VEPH1: variants seen among roughly 807,000 people sequenced by gnomAD.
VEPH1 encodes ventricular zone-expressed PH domain-containing protein homolog 1.
VEPH1 carries 80 observed loss-of-function variants against 85.2 expected under a neutral mutation model. The observed-to-expected ratio is 0.94, with a 90% CI of 0.78 to 1.13. The LOEUF is 1.13. Ranked by LOEUF, VEPH1 falls within the 50% of genes most tolerant of loss-of-function variation. VEPH1 has a pLI of 0.00. For synonymous variants in VEPH1, 297 were observed against 348.0 expected (o/e 0.85, Z 1.63); for missense variants, 955 against 980.5 (o/e 0.97, Z 0.35).
At chr3:157,383,582 C>T (rs1360559039) in intron 6 of VEPH1, among the ~76,000 whole-genome samples, 2 of 152,112 alleles carry the variant, frequency 1.3e-5, no homozygotes, top group African/African-American at 4.8e-5. Flanking sequence ...TCAAAGATTC[C>T]ATGTACAGTT....
chr3:157,322,689 A>G (rs1219428731), intron 9 of VEPH1, among the ~76,000 whole-genome samples: 3 of 152,210 alleles, frequency 2.0e-5, no homozygotes, highest in African/African-American at 7.2e-5. Context: ...ACGACAAGCT[A>G]GATGACAACA....
chr3:157,481,486 AC>A lies in VEPH1; in HGVS notation c.139-10958del, dbSNP rs1197105949. Reference sequence around the variant, plus strand: ...CACACAAAAAAAAAAAAAAAAAAAAACAATCCTAAGCAAAAAGAACAAAGTT... The same window carrying A: ...CACACAAAAAAAAAAAAAAAAAAAAAAATCCTAAGCAAAAAGAACAAAGTT... On this transcript the variant is annotated intron_variant, in intron 2 of 13. Transcript: ENST00000362010. 1.4e-3 allele frequency among the ~76,000 whole-genome samples: 113 copies of A among 78,864 alleles called. 1 individual carries two copies. Among genetic ancestry groups the A allele is most frequent in the East Asian group, 0.01 (19 of 1,900 alleles). The allele number at this position is 78,864 out of a possible 152,430, so 51.7% of individuals were successfully genotyped here. A position where few individuals can be genotyped will look rare whatever the true frequency, so the allele number is the denominator to read the frequency against.
intron 9 of VEPH1, among the ~76,000 whole-genome samples, chr3:157,327,926 C>A (rs953103296): frequency 1.2e-4 from 18 of 152,164 alleles, no homozygotes; most frequent in African/African-American, 4.1e-4. Flanking sequence ...ACTCTAAAGC[C>A]AACTTCTCTG....
At chr3:157,445,163 A>G (rs1419054096) in intron 4 of VEPH1, among the ~76,000 whole-genome samples, 1 of 152,212 alleles carries the variant, frequency 6.6e-6, no homozygotes, top group African/African-American at 2.4e-5. Context: ...ATGCAACAAT[A>G]CAGAAGAAGC....
intron 13 of VEPH1, among the ~76,000 whole-genome samples, chr3:157,263,002 T>C (rs576697874): frequency 1.3e-5 from 2 of 152,324 alleles, no homozygotes; most frequent in African/African-American, 4.8e-5. Context: ...CAGGAATAGA[T>C]AGAAAGTCAA....
chr3:157,401,953 A>G (rs1293969100), intron 6 of VEPH1, among the ~76,000 whole-genome samples: 1 of 152,104 alleles, frequency 6.6e-6, no homozygotes, highest in African/African-American at 2.4e-5. Flanking sequence ...ATTTGTTTCC[A>G]CTCATTTGTA....
chr3:157,410,682 A>G lies in VEPH1; in HGVS notation c.906+3199T>C, dbSNP rs146861110. Among the ~76,000 whole-genome samples, 156 of 152,298 alleles carry G rather than the reference A, an allele frequency of 1.0e-3. 1 individual carries two copies. Among genetic ancestry groups the G allele is most frequent in the African/African-American group, 3.6e-3 (148 of 41,562 alleles). On this transcript the variant is annotated intron_variant, in intron 6 of 13. Transcript: ENST00000362010. ...ACTTTCTTACAGTAATATTTCAGGC[A>G]TTACAAATAATCAAGAAAGAGCATT...
intron 7 of VEPH1, 97 bp from the exon 8 acceptor site, chr3:157,364,609 G>C (rs1219131542): frequency 1.4e-5 from 16 of 1,175,090 alleles, no homozygotes; most frequent in Non-Finnish European, 1.7e-5. Flanking sequence ...AGAAGCAAAA[G>C]CTTTGCCTGA....
chr3:157,477,460 G>A (rs1402739650), intron 2 of VEPH1, among the ~76,000 whole-genome samples: 1 of 151,930 alleles, frequency 6.6e-6, no homozygotes, highest in Non-Finnish European at 1.5e-5. Context: ...ACATTCACAG[G>A]TTCTGGGGTT....
At chr3:157,430,466 C>T (rs1193283264) in intron 4 of VEPH1, among the ~76,000 whole-genome samples, 1 of 152,208 alleles carries the variant, frequency 6.6e-6, no homozygotes, top group Admixed American at 6.5e-5. Flanking sequence ...TTCATATACT[C>T]TCTGTGATTG....
intron 4 of VEPH1, chr3:157,438,022 C>A (rs1175126912): frequency 2.9e-6 from 2 of 679,840 alleles, no homozygotes; most frequent in East Asian, 3.9e-5. Context: ...TCATGGGAAG[C>A]GCGCGCGCGC....
At chr3:157,380,902 TA>T (rs1387431371) in intron 7 of VEPH1, among the ~76,000 whole-genome samples, 5 of 152,364 alleles carry the variant, frequency 3.3e-5, no homozygotes, top group African/African-American at 1.2e-4. Flanking sequence ...ACGGGTGCTA[TA>T]AAATATTACT....
Position 157,443,082 on chromosome 3 carries a change from A to G in VEPH1, c.530-14594T>C, listed in dbSNP as rs1393081972. ...TCAGTGCATAATAGGAACACTTGAG[A>G]CTAATGAAAGAGAGAGTTGAGACCA... On this transcript the variant is annotated intron_variant, in intron 4 of 13. Coordinates refer to ENST00000362010, the MANE Select transcript of VEPH1 (RefSeq NM_001167912.2). 7 of 1,342,670 alleles carry G rather than the reference A, an allele frequency of 5.2e-6. No individual in the cohort carries two copies. The African/African-American group carries it at 5.9e-5, about 11-fold the overall frequency. 83.2% of individuals were successfully genotyped at this position (1,342,670 alleles called of 1,614,324 possible).
chr3:157,492,693 G>A (rs1282323195), intron 2 of VEPH1, among the ~76,000 whole-genome samples: 1 of 152,188 alleles, frequency 6.6e-6, no homozygotes, highest in Non-Finnish European at 1.5e-5. Context: ...ATCTGGCTAA[G>A]CAGAGGAACA....
intron 12 of VEPH1, among the ~76,000 whole-genome samples, chr3:157,274,375 A>T (rs1022547647): frequency 4.6e-5 from 7 of 152,210 alleles, no homozygotes; most frequent in African/African-American, 1.7e-4. Context: ...GAGGAATAGT[A>T]AGAGAATTCA....
intron 9 of VEPH1, among the ~76,000 whole-genome samples, chr3:157,322,723 TG>T (rs968631178): frequency 1.3e-5 from 2 of 152,220 alleles, no homozygotes; most frequent in African/African-American, 4.8e-5. Flanking sequence ...TCTGCCTACT[TG>T]ACACTAGCGT....
At chr3:157,336,515 C>T (rs1023131655) in intron 9 of VEPH1, among the ~76,000 whole-genome samples, 8 of 152,334 alleles carry the variant, frequency 5.3e-5, no homozygotes, top group Non-Finnish European at 7.4e-5. Context: ...CTTCACTCTG[C>T]CCAACATTGT....
At chr3:157,453,000 A>T (rs1447528264) in intron 4 of VEPH1, among the ~76,000 whole-genome samples, 2 of 152,178 alleles carry the variant, frequency 1.3e-5, no homozygotes, top group African/African-American at 4.8e-5. Flanking sequence ...TGACCAACTG[A>T]AGTACAGTAT....
intron 5 of VEPH1, among the ~76,000 whole-genome samples, chr3:157,425,401 C>A (rs1732685813): frequency 6.6e-6 from 1 of 152,156 alleles, no homozygotes; most frequent in African/African-American, 2.4e-5. Context: ...CCTGTGAAAG[C>A]AGCCAGGAGG....
Sources: gnomAD v4.1 joint callset for allele counts (sites outside exome capture counted in the v4.1 genomes callset) on GRCh38, gnomAD v4.1.1 for gene constraint, MANE v1.5 for transcripts, NCBI Gene and HGNC (gene_info 2026-07-23, HGNC 2026-07-21) for gene names.